The following TENM1 variants were observed in gnomAD, a reference collection of about 807,000 sequenced individuals.
The protein encoded by TENM1 is teneurin transmembrane protein 1.
TENM1 carries 35 observed loss-of-function variants against 174.8 expected under a neutral mutation model. That is an observed-to-expected ratio of 0.20 (90% CI 0.15 to 0.27). The LOEUF is 0.27. TENM1 is among the 10% of genes least tolerant of loss of function. The pLI, the probability that TENM1 is intolerant of heterozygous loss-of-function variation, is 1.00. For synonymous variants in TENM1, 781 were observed against 798.7 expected, an observed-to-expected ratio of 0.98 and a Z score of 0.37; for missense variants, 1,633 against 2,130.1, an observed-to-expected ratio of 0.77 and a Z score of 4.59.
intron 6 of TENM1, among the ~76,000 whole-genome samples, chrX:124,667,151 A>G (rs1192132435): frequency 2.7e-5 from 3 of 111,936 alleles, no homozygotes; most frequent in Admixed American, 9.5e-5. Flanking sequence ...AGATTTTAAC[A>G]TTCTAATTTA....
intron 5 of TENM1, among the ~76,000 whole-genome samples, chrX:124,678,155 C>T (rs982336164): frequency 5.4e-5 from 6 of 110,514 alleles, no homozygotes; most frequent in Non-Finnish European, 9.5e-5. Flanking sequence ...TATTTACATC[C>T]TGGGAATTAG....
chrX:125,199,819 G>A, the TENM1 span, among the ~76,000 whole-genome samples: 1 of 111,242 alleles, frequency 9.0e-6, no homozygotes, highest in Non-Finnish European at 1.9e-5. Flanking sequence ...AGAAATGTTA[G>A]CATTGCAATT....
chrX:125,188,434 A>G, the TENM1 span, among the ~76,000 whole-genome samples: 1 of 112,166 alleles, frequency 8.9e-6, no homozygotes, highest in African/African-American at 3.2e-5. Flanking sequence ...AAGAAAAAAG[A>G]AACTTCAAAA....
chrX:125,092,104 G>C, the TENM1 span, among the ~76,000 whole-genome samples: 26 of 103,391 alleles, frequency 2.5e-4, no homozygotes, highest in African/African-American at 8.2e-4. Flanking sequence ...ATAGAAAAAA[G>C]AAGCTTCCAA....
intron 14 of TENM1, among the ~76,000 whole-genome samples, chrX:124,552,003 T>A (rs1260907198): frequency 8.9e-6 from 1 of 111,954 alleles, no homozygotes; most frequent in Non-Finnish European, 1.9e-5. Context: ...CTATGCTTGG[T>A]TAGGTTGTCA....
intron 31 of TENM1, among the ~76,000 whole-genome samples, chrX:124,381,757 T>G (rs1420182435): frequency 1.8e-5 from 2 of 111,783 alleles, no homozygotes; most frequent in African/African-American, 6.5e-5. Context: ...CAGCCAGAAA[T>G]TCATTGATCT....
At chrX:124,678,562 TTCTA>T (rs2052151488) in intron 5 of TENM1, among the ~76,000 whole-genome samples, 1 of 111,677 alleles carries the variant, frequency 9.0e-6, no homozygotes, top group Non-Finnish European at 1.9e-5. Flanking sequence ...CATTGTTTTA[TTCTA>T]TCTCTTTTAT....
At chrX:124,841,050 G>T (rs1374582807) in intron 3 of TENM1, among the ~76,000 whole-genome samples, 1 of 111,638 alleles carries the variant, frequency 9.0e-6, no homozygotes, top group East Asian at 2.8e-4. Flanking sequence ...CCATGGAAAA[G>T]ATATTTCTAT....
intron 3 of TENM1, among the ~76,000 whole-genome samples, chrX:124,748,313 C>T (rs2053979753): frequency 9.1e-6 from 1 of 110,118 alleles, no homozygotes; most frequent in Non-Finnish European, 1.9e-5. Context: ...TAGTGATAAA[C>T]ATACAAAATG....
the TENM1 span, among the ~76,000 whole-genome samples, chrX:125,118,370 A>G: frequency 8.9e-6 from 1 of 111,743 alleles, no homozygotes; most frequent in East Asian, 2.8e-4. Context: ...CTAAATATAT[A>G]AAAATAGAAA....
the TENM1 span, among the ~76,000 whole-genome samples, chrX:124,981,928 C>T: frequency 2.3e-5 from 1 of 44,374 alleles, no homozygotes; most frequent in Admixed American, 2.2e-4. Context: ...GCACAACGTG[C>T]ACATGTACCC....
chrX:125,114,058 A>C, the TENM1 span, among the ~76,000 whole-genome samples: 13 of 111,789 alleles, frequency 1.2e-4, no homozygotes, highest in Admixed American at 6.7e-4. Flanking sequence ...CATAACAAAC[A>C]GTCTCTCAGA....
chrX:124,648,405 G>A (rs186500974), intron 8 of TENM1, among the ~76,000 whole-genome samples: 19 of 112,021 alleles, frequency 1.7e-4, no homozygotes, highest in Admixed American at 1.5e-3. Flanking sequence ...GCCTTTTGCG[G>A]GTTTATGCCA....
exon 24 of TENM1, chrX:124,422,428 T>C (rs372732066): frequency 5.8e-6 from 7 of 1,209,473 alleles, no homozygotes; most frequent in Non-Finnish European, 7.8e-6. Context: ...TGGGAGACAC[T>C]GATGGCCCTC....
At chrX:125,174,423 A>G in the TENM1 span, among the ~76,000 whole-genome samples, 2 of 111,489 alleles carry the variant, frequency 1.8e-5, no homozygotes, top group Non-Finnish European at 3.8e-5. Flanking sequence ...TTACTCAAGG[A>G]GGCTTCATGG....
At chrX:125,145,454 G>T in the TENM1 span, among the ~76,000 whole-genome samples, 1 of 112,460 alleles carries the variant, frequency 8.9e-6, no homozygotes, top group Non-Finnish European at 1.9e-5. Context: ...AAATGCACCT[G>T]AAAATTTGTA....
intron 22 of TENM1, among the ~76,000 whole-genome samples, chrX:124,467,513 A>G (rs188930894): frequency 1.6e-4 from 18 of 111,937 alleles, no homozygotes; most frequent in African/African-American, 5.5e-4. Context: ...GAAGAGCTTC[A>G]AAACCAATCT....
At chrX:124,902,093 A>T (rs2057673525) in intron 1 of TENM1, among the ~76,000 whole-genome samples, 1 of 112,110 alleles carries the variant, frequency 8.9e-6, no homozygotes, top group Admixed American at 9.5e-5. Context: ...CATTTGTAAG[A>T]TGTATGGATC....
the TENM1 span, among the ~76,000 whole-genome samples, chrX:125,061,488 A>C: frequency 8.9e-6 from 1 of 112,323 alleles, no homozygotes. Context: ...TAGGTATAAA[A>C]TAAACCGTAC....
Sources: allele counts gnomAD v4.1 joint callset (sites outside exome capture counted in the v4.1 genomes callset), GRCh38; gene constraint gnomAD v4.1.1; transcripts MANE v1.5; gene names NCBI Gene and HGNC (gene_info 2026-07-23, HGNC 2026-07-21).